VPS13A: variants seen among roughly 807,000 people sequenced by gnomAD.
VPS13A encodes vacuolar protein sorting 13 homolog A, also known as intermembrane lipid transfer protein VPS13A.
VPS13A carries 264 observed loss-of-function variants against 390.9 expected under a neutral mutation model. The ratio of observed to expected loss-of-function variants is 0.68; its 90% CI spans 0.61 to 0.75. VPS13A has a LOEUF of 0.75. Ranked by LOEUF, VPS13A falls within the 30% of genes least tolerant of loss-of-function variation. The pLI is 0.00. For synonymous variants in VPS13A, 1,231 were observed against 1,227.1 expected (o/e 1.00, Z -0.07); for missense variants, 3,409 against 3,733.9 (o/e 0.91, Z 2.27).
chr9:77,340,075 A>C, intron 48 of VPS13A, 103 bp from the exon 49 acceptor site: 2 of 1,352,242 alleles, frequency 1.5e-6, no homozygotes, highest in South Asian at 2.4e-5. Context: ...TTAGTGCATT[A>C]ACAATATAAT....
chr9:77,269,460 C>T (rs536439747), intron 23 of VPS13A, among the ~76,000 whole-genome samples: 1 of 152,248 alleles, frequency 6.6e-6, no homozygotes, highest in Non-Finnish European at 1.5e-5. Flanking sequence ...AACTTCATGT[C>T]TTGAAATCCA....
chr9:77,198,408 A>G (rs1452563651), intron 1 of VPS13A, among the ~76,000 whole-genome samples: 1 of 152,190 alleles, frequency 6.6e-6, no homozygotes, highest in African/African-American at 2.4e-5. Flanking sequence ...CATGTGGTCT[A>G]TAGGTACCTT....
rs1826055926 is a variant in VPS13A, at chr9:77,213,019, G to A, written c.606G>A (p.Leu202=). The change falls in exon 8 of 72, where the codon CTG becomes CTA. Residue 202 remains leucine (L), a synonymous_variant. Coordinates refer to ENST00000360280, the MANE Select transcript of VPS13A (RefSeq NM_033305.3). ...VPCLHDETEK[L]VRKLIRLDNL... ...GTTTACATGATGAAACTGAGAAACT[G>A]GTTCGTAAGGTAAATAAATACTGTG... 1.9e-6 allele frequency: 3 copies of A among 1,613,844 alleles called. No individual in the cohort carries two copies. Among genetic ancestry groups the A allele is most frequent in the Non-Finnish European group, 2.5e-6 (3 of 1,179,944 alleles).
chr9:77,289,581 T>C (rs1016631570), intron 31 of VPS13A, among the ~76,000 whole-genome samples: 2 of 152,184 alleles, frequency 1.3e-5, no homozygotes, highest in African/African-American at 4.8e-5. Flanking sequence ...CTATCTTTCT[T>C]GGTATCATCA....
At chr9:77,195,276 A>G (rs1382409142) in intron 1 of VPS13A, among the ~76,000 whole-genome samples, 3 of 152,116 alleles carry the variant, frequency 2.0e-5, no homozygotes, top group Non-Finnish European at 4.4e-5. Flanking sequence ...GGTGCCCGCC[A>G]CAACACCTGG....
chr9:77,238,487 A>G (rs1824280678), intron 19 of VPS13A, 101 bp downstream of exon 19: 1 of 921,036 alleles, frequency 1.1e-6, no homozygotes, highest in Non-Finnish European at 1.7e-6. Context: ...TAAATTTATT[A>G]TATTTCTAGA....
chr9:77,219,282 C>T (rs60939207), intron 10 of VPS13A, among the ~76,000 whole-genome samples: 1,902 of 151,860 alleles, frequency 0.013, 35 homozygotes, highest in African/African-American at 0.044. Context: ...AATGTTAGTC[C>T]ATATCAATGA....
At chr9:77,364,548 T>C (rs987027712) in intron 59 of VPS13A, among the ~76,000 whole-genome samples, 2 of 152,144 alleles carry the variant, frequency 1.3e-5, no homozygotes, top group African/African-American at 4.8e-5. Context: ...TGACGTCCTG[T>C]TCTTCCCAGG....
At chr9:77,229,815 T>C (rs1823722801) in intron 17 of VPS13A, among the ~76,000 whole-genome samples, 1 of 152,196 alleles carries the variant, frequency 6.6e-6, no homozygotes, top group South Asian at 2.1e-4. Context: ...CATATGCTAA[T>C]ACTATTTAAC....
At chr9:77,341,144 A>T (rs1409377375) in intron 50 of VPS13A, among the ~76,000 whole-genome samples, 3 of 152,142 alleles carry the variant, frequency 2.0e-5, no homozygotes, top group African/African-American at 7.2e-5. Flanking sequence ...TTCTTGAAGT[A>T]TATTCTTTAG....
At chr9:77,342,876 A>G (rs1423613775) in intron 50 of VPS13A, among the ~76,000 whole-genome samples, 1 of 152,178 alleles carries the variant, frequency 6.6e-6, no homozygotes, top group Non-Finnish European at 1.5e-5. Context: ...GTGGATCAGC[A>G]CAAACATGGG....
At chr9:77,248,301 C>T (rs865916327) in intron 20 of VPS13A, among the ~76,000 whole-genome samples, 5 of 150,942 alleles carry the variant, frequency 3.3e-5, no homozygotes, top group East Asian at 2.0e-4. Context: ...CTGCAAGCTC[C>T]GCCTCCTGGG....
chr9:77,177,657 G>C lies in VPS13A; in HGVS notation c.-48G>C. 1 of 1,559,492 alleles carries C rather than the reference G, an allele frequency of 6.4e-7. No individual in the cohort carries two copies. Among genetic ancestry groups the C allele is most frequent in the African/African-American group, 1.4e-5 (1 of 74,016 alleles). The stretch of plus-strand genomic sequence containing the variant: ...GGGAGGGGCGTGGGGAAGGCGGCGG[G>C]AGGAGGAGCGCACGGGCCGGCTGCC... On this transcript the variant is annotated 5_prime_UTR_variant, in exon 1 of 72. Transcript: ENST00000360280.
Position 77,293,207 on chromosome 9 carries a change from C to T in VPS13A, c.3340-134C>T, listed in dbSNP as rs1002482597. On this transcript the variant is annotated intron_variant, in intron 31 of 71. Coordinates refer to ENST00000360280, the MANE Select transcript of VPS13A (RefSeq NM_033305.3). ...AAACCAGTTACAGTAGAATTGTTGC[C>T]TCATTTGTACTTGGCTTGTGAATAC... 21 of 739,650 alleles carry T rather than the reference C, an allele frequency of 2.8e-5. No individual in the cohort carries two copies. In the Admixed American group the frequency reaches 4.3e-4, roughly 15 times the overall value. 45.8% of individuals were successfully genotyped at this position (739,650 alleles called of 1,614,324 possible).
At chr9:77,202,455 A>G (rs960624141) in intron 3 of VPS13A, among the ~76,000 whole-genome samples, 48 of 152,232 alleles carry the variant, frequency 3.2e-4, no homozygotes, top group African/African-American at 1.1e-3. Context: ...TATAAAAAGG[A>G]TTTCTCATAA....
At chr9:77,185,619 A>C (rs1378349617) in intron 1 of VPS13A, among the ~76,000 whole-genome samples, 2 of 152,148 alleles carry the variant, frequency 1.3e-5, no homozygotes, top group East Asian at 3.9e-4. Flanking sequence ...GTGTCTTATC[A>C]TATTTATAGC....
rs1283627760 is a variant in VPS13A, at chr9:77,406,075, C to G, written c.9399+88C>G. The G allele has an allele frequency of 1.0e-5, 16 of 1,527,116 alleles. No homozygotes were observed. The African/African-American group carries it at 1.4e-4, about 13-fold the overall frequency. The allele number at this position is 1,527,116 out of a possible 1,614,324, so 94.6% of individuals were successfully genotyped here. ...TTTTTATTTGTATAATGCTCTACCT[C>G]TTTTATAGATGTCACTTTGTCCTGG... is the stretch of plus-strand genomic sequence containing the variant. On this transcript the variant is annotated intron_variant, in intron 70 of 71. Transcript: ENST00000360280.
intron 10 of VPS13A, among the ~76,000 whole-genome samples, chr9:77,218,564 G>A (rs1822995475): frequency 6.6e-6 from 1 of 151,134 alleles, no homozygotes; most frequent in Non-Finnish European, 1.5e-5. Flanking sequence ...CTCTCCAGGT[G>A]ATTCTAATGA....
intron 5 of VPS13A, among the ~76,000 whole-genome samples, chr9:77,207,990 G>A (rs1825774071): frequency 6.6e-6 from 1 of 152,084 alleles, no homozygotes; most frequent in Non-Finnish European, 1.5e-5. Flanking sequence ...GTACTTTATT[G>A]ACAGTAATAT....
Sources: gnomAD v4.1 joint callset for allele counts (sites outside exome capture counted in the v4.1 genomes callset) on GRCh38, gnomAD v4.1.1 for gene constraint, MANE v1.5 for transcripts, NCBI Gene and HGNC (gene_info 2026-07-23, HGNC 2026-07-21) for gene names.